NAV3: variants seen among roughly 807,000 people sequenced by gnomAD.
NAV3 encodes neuron navigator 3.
Under a neutral mutation model 244.7 loss-of-function variants are expected in NAV3, and 87 were observed. The ratio of observed to expected loss-of-function variants is 0.36; its 90% CI spans 0.30 to 0.42. The LOEUF is 0.42. Ranked by LOEUF, NAV3 falls within the 20% of genes least tolerant of loss-of-function variation. The pLI is 1.00. For synonymous variants in NAV3, 1,126 were observed against 1,042.2 expected (o/e 1.08, Z -1.55); for missense variants, 2,663 against 2,893.3 (o/e 0.92, Z 1.83).
chr12:77,728,396 G>A (rs1876975556), intron 2 of NAV3, among the ~76,000 whole-genome samples: 1 of 150,630 alleles, frequency 6.6e-6, no homozygotes, highest in Admixed American at 6.6e-5. Context: ...CAAAACTAGA[G>A]ACAGAAAGAA....
At chr12:78,162,666 C>T (rs866616899) in intron 23 of NAV3, among the ~76,000 whole-genome samples, 1 of 150,778 alleles carries the variant, frequency 6.6e-6, no homozygotes, top group Non-Finnish European at 1.5e-5. Context: ...GAGTTCAAGA[C>T]CAGCCTGGCC....
At chr12:77,751,828 T>G (rs1162358169) in intron 2 of NAV3, among the ~76,000 whole-genome samples, 1 of 152,222 alleles carries the variant, frequency 6.6e-6, no homozygotes. Flanking sequence ...GTTTTTTTCT[T>G]TCATAACCGA....
intron 2 of NAV3, among the ~76,000 whole-genome samples, chr12:77,656,865 A>G (rs1012955258): frequency 5.9e-5 from 9 of 152,104 alleles, no homozygotes; most frequent in Non-Finnish European, 8.8e-5. Context: ...ACTACTGGGT[A>G]CATAACAAAA....
intron 5 of NAV3, among the ~76,000 whole-genome samples, chr12:77,983,380 G>GT (rs1869911014): frequency 6.6e-6 from 1 of 152,066 alleles, no homozygotes; most frequent in African/African-American, 2.4e-5. Context: ...CAATCATCAC[G>GT]TCTCTACTTT....
intron 2 of NAV3, among the ~76,000 whole-genome samples, chr12:77,822,697 T>A (rs1385543061): frequency 6.6e-6 from 1 of 152,188 alleles, no homozygotes; most frequent in African/African-American, 2.4e-5. Flanking sequence ...TCTTATTTTT[T>A]ATTATTTAAA....
At chr12:77,631,387 C>A (rs574470636) in intron 2 of NAV3, among the ~76,000 whole-genome samples, 47 of 151,948 alleles carry the variant, frequency 3.1e-4, no homozygotes, top group African/African-American at 1.0e-3. Context: ...GAAACAAAGA[C>A]CATTTTATAG....
At chr12:77,693,588 G>A (rs2137169489) in intron 2 of NAV3, among the ~76,000 whole-genome samples, 1 of 152,166 alleles carries the variant, frequency 6.6e-6, no homozygotes, top group African/African-American at 2.4e-5. Flanking sequence ...CTTTATTACA[G>A]TTAGACTTTC....
chr12:78,195,258 A>G lies in NAV3; in HGVS notation c.6292-1989A>G, dbSNP rs768919066. ...ATTGCCACCACCAGTAGCATGTACT[A>G]TATTTTTCTATAACCACAGAACACT... is the stretch of plus-strand genomic sequence containing the variant. On this transcript the variant is annotated intron_variant, in intron 34 of 39. Coordinates refer to ENST00000397909, the MANE Select transcript of NAV3 (RefSeq NM_001024383.2). Among the ~76,000 whole-genome samples the G allele has an allele frequency of 1.1e-4, 17 of 152,074 alleles. 1 individual carries two copies. The highest frequency in any genetic ancestry group is 2.1e-4 in the South Asian group (1 of 4,810).
intron 3 of NAV3, among the ~76,000 whole-genome samples, chr12:77,947,876 G>A (rs1043816102): frequency 2.0e-5 from 3 of 152,028 alleles, no homozygotes; most frequent in African/African-American, 7.2e-5. Context: ...TTCAAATGAA[G>A]TAATTGACAT....
chr12:77,633,742 C>T (rs577367686), intron 2 of NAV3, among the ~76,000 whole-genome samples: 11 of 152,160 alleles, frequency 7.2e-5, no homozygotes, highest in African/African-American at 1.9e-4. Flanking sequence ...AGTTCAAAGT[C>T]GAGACATTTC....
intron 2 of NAV3, among the ~76,000 whole-genome samples, chr12:77,747,198 T>A (rs1298141635): frequency 6.6e-6 from 1 of 152,198 alleles, no homozygotes; most frequent in African/African-American, 2.4e-5. Flanking sequence ...ATTAAAACAT[T>A]GATTTTTTCA....
chr12:78,064,419 CTGT>C (rs1884729366), intron 12 of NAV3, among the ~76,000 whole-genome samples: 1 of 144,350 alleles, frequency 6.9e-6, no homozygotes. Flanking sequence ...GTCTGTCTGT[CTGT>C]CTGTCTGCCT....
chr12:78,100,157 CAAT>C (rs1324544779), intron 12 of NAV3, among the ~76,000 whole-genome samples: 1 of 151,770 alleles, frequency 6.6e-6, no homozygotes, highest in Non-Finnish European at 1.5e-5. Flanking sequence ...ATACTAAAAA[CAAT>C]AAGAATGGAA....
intron 5 of NAV3, among the ~76,000 whole-genome samples, chr12:77,981,035 A>G (rs1160161036): frequency 6.6e-6 from 1 of 152,170 alleles, no homozygotes; most frequent in Non-Finnish European, 1.5e-5. Context: ...TAAAAGGATA[A>G]GTTATCACAG....
chr12:77,815,731 A>G (rs1331453462), intron 2 of NAV3, among the ~76,000 whole-genome samples: 8 of 152,068 alleles, frequency 5.3e-5, no homozygotes, highest in Non-Finnish European at 1.2e-4. Flanking sequence ...TTTTCCCGAC[A>G]TCGCATCTCC....
chr12:77,678,078 T>C (rs1373687864), intron 2 of NAV3, among the ~76,000 whole-genome samples: 1 of 152,188 alleles, frequency 6.6e-6, no homozygotes, highest in East Asian at 1.9e-4. Flanking sequence ...AGTTTGACAA[T>C]TTAGCTTCTA....
chr12:77,707,073 C>CT (rs561872022), intron 2 of NAV3, among the ~76,000 whole-genome samples: 83 of 149,190 alleles, frequency 5.6e-4, no homozygotes, highest in African/African-American at 1.1e-3. Context: ...TTCTTTCTTT[C>CT]TTTTTTTTTA....
At chr12:77,629,664 A>C (rs1418475478) in intron 2 of NAV3, among the ~76,000 whole-genome samples, 1 of 152,150 alleles carries the variant, frequency 6.6e-6, no homozygotes, top group Non-Finnish European at 1.5e-5. Context: ...ACCTAAGAAT[A>C]ATGTTTTATG....
rs1435691613 is a variant in NAV3, at chr12:78,188,757, T to A, written c.6035T>A (p.Ile2012Asn). 6.2e-7 allele frequency: 1 copy of A among 1,611,640 alleles called. No individual in the cohort carries two copies. The highest frequency in any genetic ancestry group is 8.5e-7 in the Non-Finnish European group (1 of 1,178,566). The change falls in exon 33 of 40, where the codon ATC becomes AAC. Residue 2012 changes from isoleucine (I) to asparagine (N), a missense_variant. Physicochemically the swap from Ile to Asn is moderately radical, Grantham distance 149. Around this residue, in one of 6 missense-constraint regions of NAV3, gnomAD observed 543 missense variants for 672.4 expected, o/e 0.81. Coordinates refer to ENST00000397909, the MANE Select transcript of NAV3 (RefSeq NM_001024383.2). ...GGATACCTTGTTGGAGATAATAACA[T>A]CATCACTGTGAACCTCAAAGGTAAA... ...PCGYLVGDNN[I>N]ITVNLKGVEE... is the part of the protein sequence containing the mutation.
Sources: gnomAD v4.1 joint callset for allele counts (sites outside exome capture counted in the v4.1 genomes callset) on GRCh38, gnomAD v4.1.1 for gene constraint, gnomAD v4.1.1 regional missense constraint, MANE v1.5 for transcripts, NCBI Gene and HGNC (gene_info 2026-07-23, HGNC 2026-07-21) for gene names.